Variants in PAX9 observed in about 807,000 individuals in gnomAD.
PAX9 encodes the protein paired box 9.
Under a neutral mutation model 29.1 loss-of-function variants are expected in PAX9, and 6 were observed. That is an observed-to-expected ratio of 0.21 (90% CI 0.11 to 0.41). PAX9 has a LOEUF of 0.41. Ranked by LOEUF, PAX9 falls within the 10% of genes least tolerant of loss-of-function variation. The pLI is 1.00. For missense variants in PAX9, 443 were observed against 479.1 expected (o/e 0.92, Z 0.70); for synonymous variants, 217 against 211.7 (o/e 1.03, Z -0.22).
chr14:36,661,679 C>T, upstream of PAX9: 1 of 281,240 alleles, frequency 3.6e-6, no homozygotes, highest in Non-Finnish European at 6.7e-6. Flanking sequence ...GTCAAACACC[C>T]ATTTTCATTG....
At chr14:36,665,494 T>C (rs1881456210) in intron 2 of PAX9, among the ~76,000 whole-genome samples, 1 of 152,182 alleles carries the variant, frequency 6.6e-6, no homozygotes, top group Non-Finnish European at 1.5e-5. Context: ...ATACATTGTT[T>C]GTAGCCTTCA....
At chr14:36,672,958 C>T (rs1380199054) in intron 3 of PAX9, among the ~76,000 whole-genome samples, 2 of 140,816 alleles carry the variant, frequency 1.4e-5, no homozygotes, top group Admixed American at 7.3e-5. Flanking sequence ...TTCCGACTCC[C>T]GGGTTCAAGC....
At chr14:36,663,545 G>T (rs774895762) in intron 2 of PAX9, 22 bp downstream of exon 2, 5 of 1,612,260 alleles carry the variant, frequency 3.1e-6, no homozygotes, top group Middle Eastern at 1.7e-4. Context: ...GAGGCTGGGC[G>T]TGTGGATGTG....
Position 36,678,453 on chromosome 14 carries a change from T to C in PAX9, c.*2001T>C. On this transcript the variant is annotated 3_prime_UTR_variant, in exon 4 of 4. Transcript: ENST00000361487. Reference sequence around the variant, plus strand: ...GGGCCATAGTCTTCCTTTGATCTTGTAAAACTTCCATTGACATCTGGAGTT... The same window carrying C: ...GGGCCATAGTCTTCCTTTGATCTTGCAAAACTTCCATTGACATCTGGAGTT... 1 of 1,516,464 alleles carries C rather than the reference T, an allele frequency of 6.6e-7. No individual in the cohort carries two copies. The highest frequency in any genetic ancestry group is 8.9e-7 in the Non-Finnish European group (1 of 1,127,916). 93.9% of individuals were successfully genotyped at this position (1,516,464 alleles called of 1,614,324 possible).
intron 2 of PAX9, 118 bp from the exon 3 acceptor site, chr14:36,666,344 C>T (rs1881485626): frequency 7.3e-7 from 1 of 1,378,438 alleles, no homozygotes; most frequent in Non-Finnish European, 9.8e-7. Context: ...AGGCCAAGGG[C>T]AGGGAGCCGA....
intron 3 of PAX9, among the ~76,000 whole-genome samples, chr14:36,667,332 T>A (rs986789299): frequency 2.6e-5 from 4 of 151,824 alleles, no homozygotes; most frequent in African/African-American, 9.7e-5. Flanking sequence ...GTGTTTTTAT[T>A]TTCCCCCCGA....
rs978630496 is a variant in PAX9 at position 36,676,290 on chromosome 14, C to T, written c.864C>T (p.Thr288=). ...PTPAQVSPYM[T]YSAAPSGYVA... ...CAGCCCAAGTGTCGCCTTACATGAC[C>T]TACAGTGCTGCTCCTTCTGGTTATG... is the stretch of plus-strand genomic sequence containing the variant. Residue 288 remains threonine, a synonymous_variant, in exon 4 of 4, where the codon ACC becomes ACT. Coordinates refer to ENST00000361487, the MANE Select transcript of PAX9 (RefSeq NM_001372076.1). 1.2e-6 allele frequency: 2 copies of T among 1,614,214 alleles called. No individual in the cohort carries two copies. Among genetic ancestry groups the T allele is most frequent in the Non-Finnish European group, 1.7e-6 (2 of 1,180,042 alleles).
At chr14:36,659,813 C>A (rs1302897664), upstream of PAX9, among the ~76,000 whole-genome samples, 1 of 152,220 alleles carries the variant, frequency 6.6e-6, no homozygotes, top group Non-Finnish European at 1.5e-5. Context: ...TTGTATGTTA[C>A]CTCCATATAA....
intron 3 of PAX9, among the ~76,000 whole-genome samples, chr14:36,674,587 G>T (rs1462077683): frequency 1.3e-5 from 2 of 152,212 alleles, no homozygotes; most frequent in Admixed American, 6.5e-5. Context: ...GTTGAACATT[G>T]TGTTGTATTT....
chr14:36,670,067 C>T (rs1000361298), intron 3 of PAX9, among the ~76,000 whole-genome samples: 1 of 151,934 alleles, frequency 6.6e-6, no homozygotes, highest in Non-Finnish European at 1.5e-5. Flanking sequence ...TACATTTGCC[C>T]TTTTAGGAAG....
intron 3 of PAX9, among the ~76,000 whole-genome samples, chr14:36,675,799 C>G (rs1881863981): frequency 6.6e-6 from 1 of 152,116 alleles, no homozygotes. Flanking sequence ...AGTGCCTCAA[C>G]AAAAGAGCCA....
intron 2 of PAX9, among the ~76,000 whole-genome samples, 172 bp downstream of exon 2, chr14:36,663,695 C>G (rs1881380529): frequency 6.6e-6 from 1 of 152,230 alleles, no homozygotes; most frequent in Admixed American, 6.5e-5. Context: ...TAACTTGAAA[C>G]TCATGCCCCT....
rs779998964 is a variant in PAX9, at chr14:36,663,570, G to A, written c.631+47G>A. 3.7e-6 allele frequency: 6 copies of A among 1,608,086 alleles called. No individual in the cohort carries two copies. In the South Asian group the frequency reaches 4.4e-5, roughly 12 times the overall value. On this transcript the variant is annotated intron_variant, in intron 2 of 3. Transcript: ENST00000361487. ...GTGTGGATGTGCAGCGTCTGCCCCCGCACTCTCGCGGAGGTCCCAGTATCT... is the reference window on the plus strand; with the variant it reads ...GTGTGGATGTGCAGCGTCTGCCCCCACACTCTCGCGGAGGTCCCAGTATCT...
upstream of PAX9, among the ~76,000 whole-genome samples, chr14:36,659,428 C>G (rs888466837): frequency 6.6e-6 from 1 of 152,234 alleles, no homozygotes; most frequent in Admixed American, 6.5e-5. Context: ...GCATCACCCT[C>G]TTCTGCTGGG....
upstream of PAX9, among the ~76,000 whole-genome samples, chr14:36,660,137 C>T (rs927336002): frequency 1.3e-5 from 2 of 152,138 alleles, no homozygotes; most frequent in Admixed American, 6.5e-5. Context: ...AGCTCCCCTA[C>T]GATGCGGCAA....
Position 36,679,354 on chromosome 14 carries a change from T to TAATA in PAX9, c.*2904_*2907dup, listed in dbSNP as rs1347791700. On this transcript the variant is annotated 3_prime_UTR_variant, in exon 4 of 4. Transcript: ENST00000361487. ...TCAAATGCTCTAAATTAATAAAAAG[T>TAATA]AATAATTACCATGTTATCTTTTACT... The TAATA allele has an allele frequency of 3.1e-6, 3 of 973,936 alleles. No individual in the cohort carries two copies. Among genetic ancestry groups the TAATA allele is most frequent in the Admixed American group, 6.2e-5 (1 of 16,252 alleles). 60.3% of individuals were successfully genotyped at this position (973,936 alleles called of 1,614,324 possible).
rs976241898 is a variant in PAX9 at position 36,677,132 on chromosome 14, A to G, written c.*680A>G. ...TGTAAATACGGACTCTGGATGGTGC[A>G]TTTGTGTCTTCATTCCATAAGATAT... On this transcript the variant is annotated 3_prime_UTR_variant, in exon 4 of 4. Coordinates refer to ENST00000361487, the MANE Select transcript of PAX9 (RefSeq NM_001372076.1). 6 of 153,284 alleles carry G rather than the reference A, an allele frequency of 3.9e-5. No individual in the cohort carries two copies. The highest frequency in any genetic ancestry group is 7.2e-5 in the African/African-American group (3 of 41,566). The allele number at this position is 153,284 out of a possible 1,614,324, so 9.5% of individuals were successfully genotyped here.
chr14:36,663,294 G>T lies in PAX9; in HGVS notation c.402G>T (p.Leu134Phe), dbSNP rs775918897. Residue 134 changes from leucine (L) to phenylalanine (F), a missense_variant, in exon 2 of 4, where the codon TTG becomes TTT. This residue lies in a region of PAX9 where 336 missense variants were observed against 317.2 expected (regional missense o/e 1.06). Transcript: ENST00000361487. ...TTCTGCGCAACAAGATCGGCAACTT[G>T]GCCCAGCAGGGTCATTACGACTCAT... ...SRILRNKIGNLAQQGHYDSYK... is the reference protein window; with the variant it reads ...SRILRNKIGNFAQQGHYDSYK... The T allele has an allele frequency of 9.3e-6, 15 of 1,614,068 alleles. No individual in the cohort carries two copies. Among genetic ancestry groups the T allele is most frequent in the Non-Finnish European group, 1.3e-5 (15 of 1,180,052 alleles).
At chr14:36,664,043 G>T (rs538570923) in intron 2 of PAX9, among the ~76,000 whole-genome samples, 4 of 152,338 alleles carry the variant, frequency 2.6e-5, no homozygotes, top group Admixed American at 1.3e-4. Context: ...GGCCAAATTT[G>T]CTCAGGCAGG....
Sources: allele counts gnomAD v4.1 joint callset (sites outside exome capture counted in the v4.1 genomes callset), GRCh38; gene constraint gnomAD v4.1.1; regional missense constraint gnomAD v4.1.1; transcripts MANE v1.5; gene names NCBI Gene and HGNC (gene_info 2026-07-23, HGNC 2026-07-21).